The following SRD5A1 variants were observed in gnomAD, a reference collection of about 807,000 sequenced individuals.
SRD5A1 encodes the protein 3-oxo-5-alpha-steroid 4-dehydrogenase 1.
Under a neutral mutation model 28.2 loss-of-function variants are expected in SRD5A1, and 22 were observed. That is an observed-to-expected ratio of 0.78 (90% CI 0.56 to 1.12). The LOEUF is 1.12. Ranked by LOEUF, SRD5A1 falls within the 50% of genes most tolerant of loss-of-function variation. SRD5A1 has a pLI of 0.00. For missense variants in SRD5A1, 300 were observed against 346.7 expected, an observed-to-expected ratio of 0.87 and a Z score of 1.07; for synonymous variants, 151 against 135.0, an observed-to-expected ratio of 1.12 and a Z score of -0.82.
intron 1 of SRD5A1, among the ~76,000 whole-genome samples, chr5:6,640,451 A>G (rs1010891736): frequency 9.2e-5 from 14 of 152,080 alleles, no homozygotes; most frequent in African/African-American, 3.4e-4. Flanking sequence ...CATGTCTCCC[A>G]TTCCTGGTGG....
At position 6,674,171 on chromosome 5, in the gene SRD5A1, TATTAA is replaced by T. The variant is rs1739441046; in HGVS notation, c.*5907_*5911del. ...ATTATTATCTAAAATGTTATTTAAT[TATTAA>T]ATTTAGATGCTACTTAATTTTTGCT... On this transcript the variant is annotated 3_prime_UTR_variant, in exon 5 of 5. Coordinates refer to ENST00000274192, the MANE Select transcript of SRD5A1 (RefSeq NM_001047.4). 6.6e-6 allele frequency: 1 copy of T among 150,626 alleles called. No individual in the cohort carries two copies. Among genetic ancestry groups the T allele is most frequent in the South Asian group, 2.1e-4 (1 of 4,834 alleles). 9.3% of individuals were successfully genotyped at this position (150,626 alleles called of 1,614,324 possible).
intron 1 of SRD5A1, among the ~76,000 whole-genome samples, chr5:6,647,479 A>G (rs1181454670): frequency 6.6e-6 from 1 of 152,170 alleles, no homozygotes; most frequent in African/African-American, 2.4e-5. Context: ...GTGCATATAT[A>G]TCTAGGATAG....
At chr5:6,656,632 G>A (rs558437387) in intron 3 of SRD5A1, among the ~76,000 whole-genome samples, 8 of 152,290 alleles carry the variant, frequency 5.3e-5, no homozygotes, top group African/African-American at 9.6e-5. Context: ...AATCTGGAGC[G>A]TGTCTTTTGA....
At position 6,661,860 on chromosome 5, in the gene SRD5A1, C is replaced by T. The variant is rs146710565; in HGVS notation, c.563-956C>T. 2.2e-3 allele frequency among the ~76,000 whole-genome samples: 334 copies of T among 152,184 alleles called. 1 individual carries two copies. Among genetic ancestry groups the T allele is most frequent in the African/African-American group, 7.9e-3 (329 of 41,526 alleles). On this transcript the variant is annotated intron_variant, in intron 3 of 4. Coordinates refer to ENST00000274192, the MANE Select transcript of SRD5A1 (RefSeq NM_001047.4). ...ATTTTTTTTTAAAAAAAGCTCTGTCCTTACATGCCTTCAGAATTTTCTCAG... is the reference window on the plus strand; with the variant it reads ...ATTTTTTTTTAAAAAAAGCTCTGTCTTTACATGCCTTCAGAATTTTCTCAG...
At chr5:6,641,108 T>A (rs1483273574) in intron 1 of SRD5A1, among the ~76,000 whole-genome samples, 1 of 152,110 alleles carries the variant, frequency 6.6e-6, no homozygotes, top group Non-Finnish European at 1.5e-5. Context: ...CATGAGTAAT[T>A]TATGTCCAGG....
chr5:6,643,701 G>A (rs897392216), intron 1 of SRD5A1, among the ~76,000 whole-genome samples: 1 of 152,190 alleles, frequency 6.6e-6, no homozygotes, highest in Non-Finnish European at 1.5e-5. Context: ...CTCTGGACAC[G>A]CCTCTTTGGT....
At chr5:6,658,403 C>A (rs1738895436) in intron 3 of SRD5A1, among the ~76,000 whole-genome samples, 1 of 152,164 alleles carries the variant, frequency 6.6e-6, no homozygotes, top group African/African-American at 2.4e-5. Flanking sequence ...CTGCGACGAA[C>A]CCGCAATCTA....
At chr5:6,645,724 A>G (rs1738489998) in intron 1 of SRD5A1, among the ~76,000 whole-genome samples, 2 of 152,116 alleles carry the variant, frequency 1.3e-5, no homozygotes, top group Admixed American at 1.3e-4. Flanking sequence ...CAAGAGGTAG[A>G]ACAGCTGTAT....
chr5:6,650,186 G>A (rs1360191038), intron 1 of SRD5A1, among the ~76,000 whole-genome samples: 2 of 151,884 alleles, frequency 1.3e-5, no homozygotes, highest in African/African-American at 2.4e-5. Flanking sequence ...AGTGGATCAC[G>A]TGAGCCCAGG....
At chr5:6,642,476 A>T (rs1738394117) in intron 1 of SRD5A1, among the ~76,000 whole-genome samples, 1 of 152,246 alleles carries the variant, frequency 6.6e-6, no homozygotes, top group Non-Finnish European at 1.5e-5. Flanking sequence ...CCAGGTTCAC[A>T]CACTGTATTT....
At chr5:6,658,990 A>G (rs1352944925) in intron 3 of SRD5A1, among the ~76,000 whole-genome samples, 4 of 151,728 alleles carry the variant, frequency 2.6e-5, no homozygotes, top group Non-Finnish European at 5.9e-5. Flanking sequence ...GGTGGTGCAC[A>G]CCTGTAGTCC....
chr5:6,636,763 C>T (rs1461083368), intron 1 of SRD5A1, among the ~76,000 whole-genome samples: 3 of 152,188 alleles, frequency 2.0e-5, no homozygotes, highest in South Asian at 2.1e-4. Context: ...GGAAGACTTA[C>T]GTGCCAGTGA....
intron 1 of SRD5A1, 97 bp downstream of exon 1, chr5:6,633,966 C>T: frequency 1.5e-6 from 2 of 1,364,924 alleles, no homozygotes; most frequent in South Asian, 2.4e-5. Flanking sequence ...CGAAGCCTCC[C>T]CCACCCAGAT....
At chr5:6,662,255 C>A (rs1220541658) in intron 3 of SRD5A1, among the ~76,000 whole-genome samples, 1 of 152,196 alleles carries the variant, frequency 6.6e-6, no homozygotes, top group Non-Finnish European at 1.5e-5. Flanking sequence ...AGCTCCGGGG[C>A]CCCCTCACTC....
At chr5:6,638,331 T>C (rs1738260675) in intron 1 of SRD5A1, among the ~76,000 whole-genome samples, 1 of 152,192 alleles carries the variant, frequency 6.6e-6, no homozygotes, top group Non-Finnish European at 1.5e-5. Flanking sequence ...AGTCATAGCG[T>C]TTTTTGGAGC....
At chr5:6,635,589 C>T (rs1346157224) in intron 1 of SRD5A1, among the ~76,000 whole-genome samples, 2 of 152,208 alleles carry the variant, frequency 1.3e-5, no homozygotes, top group Non-Finnish European at 2.9e-5. Context: ...AGAGCAAAGG[C>T]AACTCCCTAA....
chr5:6,644,689 C>T (rs1270165529), intron 1 of SRD5A1: 5 of 363,126 alleles, frequency 1.4e-5, no homozygotes, highest in African/African-American at 6.4e-5. Context: ...ACAAATGGGC[C>T]GAGGCAGGAA....
intron 2 of SRD5A1, among the ~76,000 whole-genome samples, chr5:6,655,127 A>G (rs1317461980): frequency 6.6e-6 from 1 of 152,232 alleles, no homozygotes; most frequent in Non-Finnish European, 1.5e-5. Context: ...AACTGTGAAA[A>G]AGTATTCAAT....
At chr5:6,651,514 AAT>A (rs1351016740) in intron 1 of SRD5A1, among the ~76,000 whole-genome samples, 1 of 152,056 alleles carries the variant, frequency 6.6e-6, no homozygotes, top group Non-Finnish European at 1.5e-5. Flanking sequence ...TAATAATAAT[AAT>A]AAGTGTGGTG....
Sources: gnomAD v4.1 joint callset for allele counts (sites outside exome capture counted in the v4.1 genomes callset) on GRCh38, gnomAD v4.1.1 for gene constraint, MANE v1.5 for transcripts, NCBI Gene and HGNC (gene_info 2026-07-23, HGNC 2026-07-21) for gene names.